CACNA1H: variants seen among roughly 807,000 people sequenced by gnomAD.
CACNA1H encodes calcium voltage-gated channel subunit alpha1 H, also known as voltage-dependent T-type calcium channel subunit alpha-1H.
A neutral mutation model predicts 192.5 loss-of-function variants in CACNA1H; 149 were observed. The ratio of observed to expected loss-of-function variants is 0.77; its 90% confidence interval spans 0.68 to 0.89. CACNA1H has a LOEUF of 0.89. CACNA1H is among the 40% of genes least tolerant of loss of function. CACNA1H has a pLI of 0.00. For synonymous variants in CACNA1H, 2,202 were observed against 1,475.2 expected (o/e 1.49, Z -11.29); for missense variants, 4,257 against 3,423.5 (o/e 1.24, Z -6.08).
At chr16:1,178,422 C>G (rs575238489) in intron 2 of CACNA1H, among the ~76,000 whole-genome samples, 2 of 151,652 alleles carry the variant, frequency 1.3e-5, no homozygotes, top group African/African-American at 2.4e-5. Context: ...ACCCACCCCC[C>G]CAAGTGCCTC....
In CACNA1H at chr16:1,210,852, T is replaced by C. The variant is rs753710245; in HGVS notation, c.4104T>C (p.Asp1368=). 25 of 1,605,464 alleles carry C rather than the reference T, an allele frequency of 1.6e-5. 1 individual carries two copies. In the South Asian group the frequency reaches 2.4e-4, roughly 16 times the overall value. The change falls in exon 21 of 35, where the codon GAT becomes GAC. Residue 1368 remains aspartate, a synonymous_variant. Transcript: ENST00000348261. ...TGCAGAGCAGCTGGAACCTGCTGGA[T>C]GGGCTGCTGGTGCTGGTGTCCCTGG... The part of the protein sequence containing the change: ...AYLQSSWNLL[D]GLLVLVSLVD...
intron 2 of CACNA1H, among the ~76,000 whole-genome samples, chr16:1,170,518 G>A (rs1440309449): frequency 2.0e-5 from 3 of 152,324 alleles, no homozygotes; most frequent in South Asian, 2.1e-4. Context: ...CCCCGACACC[G>A]GCCTGCGGAC....
In CACNA1H at chr16:1,167,455, G is replaced by A. The variant is rs1314863023; in HGVS notation, c.299+13419G>A. ...CTGGAGAATTTCAACACCCACACTT[G>A]GAATAAAAAAAAAAATTATTAATGA... On this transcript the variant is annotated intron_variant, in intron 2 of 34. Coordinates refer to ENST00000348261, the MANE Select transcript of CACNA1H (RefSeq NM_021098.3). The surrounding 1 kb of genome is among the most constrained non-coding windows in gnomAD (Gnocchi z 4.2). Among the ~76,000 whole-genome samples, 3 of 151,988 alleles carry A rather than the reference G, an allele frequency of 2.0e-5. No homozygotes were observed. Among genetic ancestry groups the A allele is most frequent in the Non-Finnish European group, 2.9e-5 (2 of 67,988 alleles).
chr16:1,160,423 C>G (rs1412535542), intron 2 of CACNA1H, among the ~76,000 whole-genome samples: 1 of 152,282 alleles, frequency 6.6e-6, no homozygotes, highest in East Asian at 1.9e-4. Context: ...ACGGCCGCCT[C>G]GGTCAGAGAT....
chr16:1,185,293 G>T (rs1385914242), intron 2 of CACNA1H, among the ~76,000 whole-genome samples: 1 of 152,190 alleles, frequency 6.6e-6, no homozygotes, highest in Non-Finnish European at 1.5e-5. Flanking sequence ...GGCCATCGGG[G>T]TCAGTGCCGC....
At chr16:1,206,636 A>G (rs990910071) in intron 12 of CACNA1H, 9 of 415,346 alleles carry the variant, frequency 2.2e-5, no homozygotes, top group Admixed American at 2.0e-4. Flanking sequence ...CCTGGAGCTC[A>G]GGGTCAGGGT....
chr16:1,153,693 C>T (rs1479293663), intron 1 of CACNA1H, 27 bp from the exon 2 acceptor site: 2 of 1,179,418 alleles, frequency 1.7e-6, no homozygotes, highest in South Asian at 4.3e-5. Context: ...TCGCCACCGG[C>T]CCCGGGTCAC....
chr16:1,196,184 G>A (rs1006838146), intron 5 of CACNA1H, among the ~76,000 whole-genome samples, 161 bp downstream of exon 5: 2 of 152,264 alleles, frequency 1.3e-5, no homozygotes, highest in Admixed American at 6.5e-5. Flanking sequence ...GGCCCCTGCC[G>A]CTATCCGTGG....
intron 2 of CACNA1H, among the ~76,000 whole-genome samples, chr16:1,193,107 C>T (rs552686753): frequency 6.6e-6 from 1 of 152,326 alleles, no homozygotes; most frequent in African/African-American, 2.4e-5. Flanking sequence ...CCGTTCCCCA[C>T]ACCTGCCTGC....
intron 25 of CACNA1H, 65 bp downstream of exon 25, chr16:1,212,203 G>A (rs971336080): frequency 2.0e-6 from 3 of 1,523,774 alleles, no homozygotes; most frequent in African/African-American, 2.7e-5. Context: ...GGGCCCTCCA[G>A]CCCCTCCACT....
In CACNA1H at chr16:1,220,812, G is replaced by A. The variant is rs779279224; in HGVS notation, c.6880G>A (p.Ala2294Thr). The A allele has an allele frequency of 1.1e-5, 18 of 1,612,816 alleles. No homozygotes were observed. The highest frequency in any genetic ancestry group is 2.2e-5 in the East Asian group (1 of 44,850). ...CCACAGTGTGACCCCAGAATCCAGA[G>A]CTTCCTCTTCAGGGGCCATAGTGCC... The part of the protein sequence containing the change: ...GSHSVTPESR[A>T]SSSGAIVPLE... Residue 2294 changes from alanine to threonine, a missense_variant, in exon 35 of 35, where the codon GCT becomes ACT. Ala to Thr is a moderately conservative substitution (Grantham distance 58, BLOSUM62 0). Coordinates refer to ENST00000348261, the MANE Select transcript of CACNA1H (RefSeq NM_021098.3).
intron 2 of CACNA1H, among the ~76,000 whole-genome samples, chr16:1,174,802 G>A (rs958975620): frequency 6.6e-6 from 1 of 152,212 alleles, no homozygotes; most frequent in Non-Finnish European, 1.5e-5. Flanking sequence ...AGACATGGAC[G>A]AGAGCCAGGA....
In CACNA1H at chr16:1,204,383, C is replaced by T; in HGVS notation, c.2376C>T (p.Ser792=). 1 of 1,562,896 alleles carries T rather than the reference C, an allele frequency of 6.4e-7. No individual in the cohort carries two copies. The highest frequency in any genetic ancestry group is 8.7e-7 in the Non-Finnish European group (1 of 1,155,790). ...FSGKLRRIVD[S]KYFSRGIMMA... Reference sequence around the variant, plus strand: ...GCAAGCTGCGCCGCATCGTGGACAGCAAGTACTTCAGCCGTGGCATCATGA... The same window carrying T: ...GCAAGCTGCGCCGCATCGTGGACAGTAAGTACTTCAGCCGTGGCATCATGA... Residue 792 remains serine, a synonymous_variant, in exon 10 of 35, where the codon AGC becomes AGT. Transcript: ENST00000348261.
In CACNA1H at chr16:1,201,856, G is replaced by C; in HGVS notation, c.1406G>C (p.Arg469Pro). 1 of 1,561,372 alleles carries C rather than the reference G, an allele frequency of 6.4e-7. No individual in the cohort carries two copies. ...CTGAAGTACGTGGGCCACATATTCCGCAAGGTCAAGCGGCGCAGCTTGCGC... is the reference window on the plus strand; with the variant it reads ...CTGAAGTACGTGGGCCACATATTCCCCAAGGTCAAGCGGCGCAGCTTGCGC... ...ELLKYVGHIFRKVKRRSLRLY... is the reference protein window; with the variant it reads ...ELLKYVGHIFPKVKRRSLRLY... The change falls in exon 9 of 35, where the codon CGC becomes CCC. Residue 469 changes from arginine to proline, a missense_variant. Physicochemically the swap from Arg to Pro is moderately radical, Grantham distance 103. Transcript: ENST00000348261.
chr16:1,183,568 G>T (rs750161910), intron 2 of CACNA1H, among the ~76,000 whole-genome samples: 1 of 152,194 alleles, frequency 6.6e-6, no homozygotes, highest in Non-Finnish European at 1.5e-5. Flanking sequence ...GTTCCCTCCC[G>T]CTAAGAGGCC....
intron 5 of CACNA1H, among the ~76,000 whole-genome samples, chr16:1,196,257 C>T (rs940990671): frequency 6.6e-6 from 1 of 152,270 alleles, no homozygotes. Context: ...CACAGGGTAC[C>T]TGGCTCCCAC....
At chr16:1,198,554 G>A in intron 5 of CACNA1H, 61 bp from the exon 6 acceptor site, 8 of 1,581,218 alleles carry the variant, frequency 5.1e-6, no homozygotes, top group South Asian at 1.1e-5. Flanking sequence ...GGGAGGGGCT[G>A]CAGCCCCGAG....
intron 30 of CACNA1H, among the ~76,000 whole-genome samples, chr16:1,216,540 C>T (rs935813549): frequency 6.6e-6 from 1 of 152,246 alleles, no homozygotes; most frequent in African/African-American, 2.4e-5. Flanking sequence ...GCCATGGGAT[C>T]TCTGAGGTAG....
At position 1,167,503 on chromosome 16, in the gene CACNA1H, A is replaced by T. The variant is rs34777355; in HGVS notation, c.299+13467A>T. On this transcript the variant is annotated intron_variant, in intron 2 of 34. Transcript: ENST00000348261. This position sits in a 1 kb window ranked among gnomAD's most constrained non-coding sequence, Gnocchi z 4.2. ...TGAGCTTGGTGCGGTTGCCATGGGA[A>T]CCTGTTGCTAATGAATCTCTGGGGT... 0.015 allele frequency among the ~76,000 whole-genome samples: 2,291 copies of T among 152,068 alleles called. 32 individuals carry two copies. Among genetic ancestry groups the T allele is most frequent in the Non-Finnish European group, 0.024 (1,599 of 67,974 alleles).
Sources: allele counts gnomAD v4.1 joint callset (sites outside exome capture counted in the v4.1 genomes callset), GRCh38; gene constraint gnomAD v4.1.1; non-coding constraint Gnocchi (gnomAD v3.1); transcripts MANE v1.5; gene names NCBI Gene and HGNC (gene_info 2026-07-23, HGNC 2026-07-21).